MECOM: variants seen among roughly 807,000 people sequenced by gnomAD.
The protein encoded by MECOM is histone-lysine N-methyltransferase MECOM.
A neutral mutation model predicts 116.3 loss-of-function variants in MECOM; 13 were observed. The observed-to-expected ratio is 0.11, with a 90% CI of 0.07 to 0.18. MECOM has a LOEUF of 0.18. Ranked by LOEUF, MECOM falls within the 10% of genes least tolerant of loss-of-function variation. MECOM has a pLI of 1.00. For missense variants in MECOM, 1,299 were observed against 1,509.0 expected (o/e 0.86, Z 2.31); for synonymous variants, 528 against 535.2 (o/e 0.99, Z 0.19).
At chr3:169,542,508 A>C (rs1432357764) in intron 1 of MECOM, among the ~76,000 whole-genome samples, 1 of 152,210 alleles carries the variant, frequency 6.6e-6, no homozygotes, top group African/African-American at 2.4e-5. Flanking sequence ...TTTTGTCTGC[A>C]AGTGGATAAG....
chr3:169,259,831 T>C (rs1757330093), intron 2 of MECOM, among the ~76,000 whole-genome samples: 1 of 152,252 alleles, frequency 6.6e-6, no homozygotes, highest in African/African-American at 2.4e-5. Flanking sequence ...AGCAGGGTGA[T>C]ATGTTGATGT....
At chr3:169,107,775 C>T in intron 10 of MECOM, 151 bp downstream of exon 10, 1 of 577,154 alleles carries the variant, frequency 1.7e-6, no homozygotes, top group Non-Finnish European at 3.0e-6. Context: ...AAGAATGCAG[C>T]TTGAGAAAGC....
At chr3:169,386,949 T>C (rs938876641) in intron 1 of MECOM, among the ~76,000 whole-genome samples, 2 of 152,218 alleles carry the variant, frequency 1.3e-5, no homozygotes, top group African/African-American at 4.8e-5. Context: ...ACTTCTTTAT[T>C]TGCAAATTGT....
intron 2 of MECOM, among the ~76,000 whole-genome samples, chr3:169,251,082 T>C (rs1195365180): frequency 6.6e-6 from 1 of 152,218 alleles, no homozygotes; most frequent in Admixed American, 6.5e-5. Flanking sequence ...GAGGCAACAG[T>C]TGCTTTCAAG....
chr3:169,595,017 C>G (rs1449090115), intron 1 of MECOM, among the ~76,000 whole-genome samples: 1 of 151,964 alleles, frequency 6.6e-6, no homozygotes, highest in African/African-American at 2.4e-5. Context: ...AGTTTCTAAG[C>G]ACTCAATTTC....
chr3:169,609,576 C>T (rs1290739162), intron 1 of MECOM, among the ~76,000 whole-genome samples: 1 of 151,912 alleles, frequency 6.6e-6, no homozygotes, highest in Non-Finnish European at 1.5e-5. Context: ...GCTGTACACC[C>T]TTGTTTAAGC....
chr3:169,583,092 T>G (rs1228846003), intron 1 of MECOM, among the ~76,000 whole-genome samples: 1 of 152,202 alleles, frequency 6.6e-6, no homozygotes, highest in African/African-American at 2.4e-5. Context: ...CTTGGGAAAT[T>G]GTCTTAATCT....
At chr3:169,305,687 TC>T (rs1199190121) in intron 2 of MECOM, among the ~76,000 whole-genome samples, 1 of 152,224 alleles carries the variant, frequency 6.6e-6, no homozygotes, top group Non-Finnish European at 1.5e-5. Context: ...ATGCTCACTT[TC>T]ATGCCACACC....
chr3:169,425,802 T>C (rs1740562202), intron 1 of MECOM, among the ~76,000 whole-genome samples: 1 of 152,058 alleles, frequency 6.6e-6, no homozygotes, highest in South Asian at 2.1e-4. Flanking sequence ...ATAAACACAA[T>C]GGAATTCAGT....
At position 169,549,140 on chromosome 3, in the gene MECOM, A is replaced by G. The variant is rs1254058068; in HGVS notation, c.37+114196T>C. ...AGGCGCATGCCACCACACCCAGCTA[A>G]TTATTGTATTTTTAGTAGACAGGGT... On this transcript the variant is annotated intron_variant, in intron 1 of 16. Transcript: ENST00000651503. 2.0e-5 allele frequency among the ~76,000 whole-genome samples: 3 copies of G among 152,022 alleles called. No individual in the cohort carries two copies. In the East Asian group the frequency reaches 5.8e-4, roughly 29 times the overall value.
intron 2 of MECOM, among the ~76,000 whole-genome samples, chr3:169,332,862 C>T (rs1161063637): frequency 1.3e-5 from 2 of 151,844 alleles, no homozygotes; most frequent in African/African-American, 2.4e-5. Context: ...ATTTCACTGG[C>T]AAAACAAATT....
intron 1 of MECOM, among the ~76,000 whole-genome samples, chr3:169,500,469 C>A (rs1171648855): frequency 6.6e-6 from 1 of 151,804 alleles, no homozygotes; most frequent in African/African-American, 2.4e-5. Flanking sequence ...TGGAGAAAAA[C>A]CAAATTTAAC....
chr3:169,218,419 A>G (rs986228432), intron 2 of MECOM, among the ~76,000 whole-genome samples: 1 of 152,220 alleles, frequency 6.6e-6, no homozygotes, highest in African/African-American at 2.4e-5. Context: ...ACTTCGGGCA[A>G]TGATCCCAAT....
At chr3:169,561,776 C>G (rs149933762) in intron 1 of MECOM, among the ~76,000 whole-genome samples, 2 of 152,096 alleles carry the variant, frequency 1.3e-5, no homozygotes, top group Admixed American at 6.5e-5. Flanking sequence ...CAACTGAATG[C>G]GTATTTGCAG....
At chr3:169,123,186 C>T (rs1253377557) in intron 5 of MECOM, among the ~76,000 whole-genome samples, 1 of 150,926 alleles carries the variant, frequency 6.6e-6, no homozygotes, top group East Asian at 1.9e-4. Flanking sequence ...TTAACTGAAA[C>T]ACAAACACTC....
At chr3:169,244,269 T>G (rs763435161) in intron 2 of MECOM, among the ~76,000 whole-genome samples, 8 of 152,152 alleles carry the variant, frequency 5.3e-5, no homozygotes, top group Non-Finnish European at 1.2e-4. Context: ...AGTAATAGAT[T>G]AATTTGAACC....
chr3:169,356,093 C>T (rs1185595127), intron 2 of MECOM, among the ~76,000 whole-genome samples: 1 of 151,792 alleles, frequency 6.6e-6, no homozygotes, highest in Admixed American at 6.6e-5. Context: ...GACTTTTAAC[C>T]TCTCATCTTG....
chr3:169,131,781 A>G, intron 3 of MECOM: 2 of 676,732 alleles, frequency 3.0e-6, no homozygotes, highest in Non-Finnish European at 4.3e-6. Context: ...CACAAATCAA[A>G]TTTTCTTAAT....
intron 2 of MECOM, among the ~76,000 whole-genome samples, chr3:169,378,390 A>G (rs1219021693): frequency 3.1e-5 from 1 of 31,908 alleles, no homozygotes; most frequent in East Asian, 6.6e-4. Flanking sequence ...GGAAGACAAG[A>G]AAGAAAGAAA....
Sources: gnomAD v4.1 joint callset for allele counts (sites outside exome capture counted in the v4.1 genomes callset) on GRCh38, gnomAD v4.1.1 for gene constraint, MANE v1.5 for transcripts, NCBI Gene and HGNC (gene_info 2026-07-23, HGNC 2026-07-21) for gene names.